The following SGK3 variants were observed in gnomAD, a reference collection of about 807,000 sequenced individuals.
SGK3 encodes the protein serum/glucocorticoid regulated kinase family member 3.
A neutral mutation model predicts 68.5 loss-of-function variants in SGK3; 47 were observed. The observed-to-expected ratio is 0.69, with a 90% CI of 0.54 to 0.87. The LOEUF (loss-of-function observed/expected upper bound fraction) is 0.87, where lower values mean the gene tolerates loss of function less well. Among genes scored for constraint, SGK3 ranks in the 40% least tolerant of loss-of-function variants. The probability of loss-of-function intolerance (pLI) is 0.00; values close to 1 mark genes in which losing one functional copy is unlikely to be tolerated. For synonymous variants in SGK3, 181 were observed against 189.1 expected, an observed-to-expected ratio of 0.96 and a Z score of 0.35; for missense variants, 479 against 575.5, an observed-to-expected ratio of 0.83 and a Z score of 1.72.
intron 4 of SGK3, among the ~76,000 whole-genome samples, chr8:66,810,218 C>T (rs1808328827): frequency 6.6e-6 from 1 of 150,774 alleles, no homozygotes; most frequent in African/African-American, 2.4e-5. Context: ...ATTTATTCCC[C>T]CCACACCAAA....
chr8:66,803,335 G>A (rs895273988), intron 3 of SGK3, among the ~76,000 whole-genome samples: 1 of 152,022 alleles, frequency 6.6e-6, no homozygotes, highest in African/African-American at 2.4e-5. Flanking sequence ...GTTTTTGTTT[G>A]TTTGTTTTTG....
intron 3 of SGK3, 65 bp from the exon 4 acceptor site, chr8:66,804,310 T>A: frequency 7.2e-7 from 1 of 1,388,614 alleles, no homozygotes; most frequent in African/African-American, 1.5e-5. Context: ...TATTTGGCTT[T>A]GATGTGTGCA....
At chr8:66,736,745 G>A (rs762205424) in intron 1 of SGK3, among the ~76,000 whole-genome samples, 24 of 151,622 alleles carry the variant, frequency 1.6e-4, no homozygotes, top group Non-Finnish European at 2.5e-4. Context: ...TCAGCCTACC[G>A]AGTGACTGGG....
rs770672825 is a variant in SGK3 at position 66,859,447 on chromosome 8, T to C, written c.1357T>C (p.Phe453Leu). ...TGATATCAGAAACTTTGACACAGCA[T>C]TTACAGAAGAAACAGTTCCATATTC... ...PDDIRNFDTA[F>L]TEETVPYSVC... The change falls in exon 17 of 17, where the codon TTT becomes CTT. Residue 453 changes from phenylalanine (F) to leucine (L), a missense_variant. By Grantham distance (22) the Phe-to-Leu change is conservative. Around this residue, in one of 3 missense-constraint regions of SGK3, gnomAD observed 173 missense variants for 214.3 expected, o/e 0.81. Transcript: ENST00000521198. 2 of 1,611,006 alleles carry C rather than the reference T, an allele frequency of 1.2e-6. No individual in the cohort carries two copies. Among genetic ancestry groups the C allele is most frequent in the Non-Finnish European group, 1.7e-6 (2 of 1,177,912 alleles).
At chr8:66,823,087 T>C (rs1365817199) in intron 6 of SGK3, among the ~76,000 whole-genome samples, 1 of 152,200 alleles carries the variant, frequency 6.6e-6, no homozygotes, top group Non-Finnish European at 1.5e-5. Context: ...CTTTCCAATC[T>C]TCTCTAATGT....
chr8:66,738,174 C>G (rs1805378373), intron 1 of SGK3, among the ~76,000 whole-genome samples: 1 of 152,108 alleles, frequency 6.6e-6, no homozygotes, highest in African/African-American at 2.4e-5. Flanking sequence ...GTCTCCTTTA[C>G]TGCCTGTATT....
At chr8:66,813,952 A>G (rs770189831) in intron 5 of SGK3, 24 bp downstream of exon 5, 5 of 1,550,700 alleles carry the variant, frequency 3.2e-6, no homozygotes, top group Non-Finnish European at 4.3e-6. Flanking sequence ...GTTGCGTTCT[A>G]AAGGGACATT....
chr8:66,767,561 G>A (rs528365453), intron 1 of SGK3: 1 of 1,468,728 alleles, frequency 6.8e-7, no homozygotes, highest in Non-Finnish European at 9.5e-7. Context: ...TCCTCATCAA[G>A]TATCATGAGA....
intron 1 of SGK3, among the ~76,000 whole-genome samples, chr8:66,766,764 TG>T (rs1242225966): frequency 6.6e-6 from 1 of 152,228 alleles, no homozygotes; most frequent in Non-Finnish European, 1.5e-5. Flanking sequence ...CTTGATAAAT[TG>T]GCCCCTTTAC....
chr8:66,803,499 A>G (rs1808033904), intron 3 of SGK3, among the ~76,000 whole-genome samples: 1 of 123,648 alleles, frequency 8.1e-6, no homozygotes, highest in Admixed American at 7.7e-5. Flanking sequence ...GTGCTCAGCT[A>G]AGATACAGTT....
chr8:66,783,954 A>G (rs962824585), intron 1 of SGK3, among the ~76,000 whole-genome samples: 6 of 152,010 alleles, frequency 3.9e-5, no homozygotes, highest in East Asian at 3.9e-4. Context: ...CAGTGGTGCA[A>G]TCTCAAGGCT....
chr8:66,786,666 A>G (rs1253174188), intron 1 of SGK3, among the ~76,000 whole-genome samples: 1 of 152,192 alleles, frequency 6.6e-6, no homozygotes, highest in Non-Finnish European at 1.5e-5. Context: ...CTTCAGAGCA[A>G]CATCTTTATT....
At chr8:66,785,265 C>T (rs1270099768) in intron 1 of SGK3, among the ~76,000 whole-genome samples, 11 of 152,200 alleles carry the variant, frequency 7.2e-5, no homozygotes, top group African/African-American at 2.4e-4. Context: ...GAGCTGGGCT[C>T]ACATGAGAGT....
chr8:66,725,043 G>A (rs1585633361), intron 1 of SGK3, among the ~76,000 whole-genome samples: 1 of 152,120 alleles, frequency 6.6e-6, no homozygotes, highest in South Asian at 2.1e-4. Flanking sequence ...TGGCTAACAT[G>A]GTGAAACCCC....
rs746253563 is a variant in SGK3, at chr8:66,831,353, GT to G, written c.525+52del. 9.2e-4 allele frequency: 1,293 copies of G among 1,403,130 alleles called. 2 individuals are homozygous for G. Among genetic ancestry groups the G allele is most frequent in the Admixed American group, 3.3e-3 (163 of 49,912 alleles). 86.9% of individuals were successfully genotyped at this position (1,403,130 alleles called of 1,614,324 possible). A position where few individuals can be genotyped will look rare whatever the true frequency, so the allele number is the denominator to read the frequency against. On this transcript the variant is annotated intron_variant, in intron 8 of 16. Coordinates refer to ENST00000521198, the MANE Select transcript of SGK3 (RefSeq NM_001033578.3). ...AGGTTTTTATTTGGTTTTGGTTTTG[GT>G]TTTTTTTTTGGAGACAGGGTCTCAC...
intron 16 of SGK3, among the ~76,000 whole-genome samples, chr8:66,854,255 G>A (rs537870206): frequency 1.3e-5 from 2 of 152,258 alleles, no homozygotes; most frequent in African/African-American, 4.8e-5. Flanking sequence ...AGGAATTTCT[G>A]TTTATTACAT....
At chr8:66,843,325 TG>T (rs1809870179) in intron 13 of SGK3, 126 bp from the exon 14 acceptor site, 2 of 807,020 alleles carry the variant, frequency 2.5e-6, no homozygotes, top group Non-Finnish European at 3.9e-6. Context: ...TCCAACCCAC[TG>T]GAAATCTAGA....
chr8:66,741,303 A>T (rs1805471712), intron 1 of SGK3, among the ~76,000 whole-genome samples: 1 of 152,110 alleles, frequency 6.6e-6, no homozygotes, highest in African/African-American at 2.4e-5. Flanking sequence ...TAATTGCAAC[A>T]CTTTGGGAGG....
intron 3 of SGK3, 144 bp from the exon 4 acceptor site, chr8:66,804,231 A>G: frequency 1.5e-6 from 1 of 661,520 alleles, no homozygotes; most frequent in Non-Finnish European, 2.4e-6. Flanking sequence ...GGTATAATTT[A>G]TGTTATACTT....
Sources: gnomAD v4.1 joint callset for allele counts (sites outside exome capture counted in the v4.1 genomes callset) on GRCh38, gnomAD v4.1.1 for gene constraint, gnomAD v4.1.1 regional missense constraint, MANE v1.5 for transcripts, NCBI Gene and HGNC (gene_info 2026-07-23, HGNC 2026-07-21) for gene names.